Variants in ZBTB7C observed in about 807,000 individuals in gnomAD.
The protein encoded by ZBTB7C is zinc finger and BTB domain containing 7C.
Under a neutral mutation model 25.7 loss-of-function variants are expected in ZBTB7C, and 8 were observed. That is an observed-to-expected ratio of 0.31 (90% CI 0.18 to 0.56). ZBTB7C has a LOEUF of 0.56. ZBTB7C is among the 20% of genes least tolerant of loss of function. ZBTB7C has a pLI of 0.91. For missense variants in ZBTB7C, 824 were observed against 855.2 expected (o/e 0.96, Z 0.46); for synonymous variants, 394 against 369.0 (o/e 1.07, Z -0.78).
intron 2 of ZBTB7C, among the ~76,000 whole-genome samples, chr18:48,298,647 A>C (rs2045464211): frequency 6.6e-6 from 1 of 152,184 alleles, no homozygotes; most frequent in Non-Finnish European, 1.5e-5. Context: ...CAACCAAGGC[A>C]ACTGAGACAG....
chr18:48,182,639 G>A (rs1987192), intron 3 of ZBTB7C, among the ~76,000 whole-genome samples: 33,538 of 152,058 alleles, frequency 0.22, 3,802 homozygotes, highest in South Asian at 0.26. Context: ...GAGGGGGCTC[G>A]CCACCAAAAG....
intron 3 of ZBTB7C, among the ~76,000 whole-genome samples, chr18:48,100,292 A>T (rs1598877947): frequency 2.0e-5 from 3 of 152,328 alleles, no homozygotes; most frequent in Admixed American, 6.5e-5. Context: ...CGATTCACAG[A>T]CTTGCCTGTG....
At chr18:48,270,561 G>A (rs539235807) in intron 2 of ZBTB7C, among the ~76,000 whole-genome samples, 7 of 150,542 alleles carry the variant, frequency 4.6e-5, no homozygotes, top group African/African-American at 1.2e-4. Context: ...GTGGTGGCAC[G>A]CACCTGTAAT....
intron 2 of ZBTB7C, among the ~76,000 whole-genome samples, chr18:48,294,238 A>G (rs7245161): frequency 0.37 from 56,315 of 152,186 alleles, 11,208 homozygotes; most frequent in African/African-American, 0.52. Flanking sequence ...CGGAAGGCAC[A>G]ATGGGCAGAT....
Position 48,027,140 on chromosome 18 carries a change from C to T in ZBTB7C, c.*2120G>A, listed in dbSNP as rs1598733955. 1 of 146,942 alleles carries T rather than the reference C, an allele frequency of 6.8e-6. No homozygotes were observed. The allele number at this position is 146,942 out of a possible 1,614,324, so 9.1% of individuals were successfully genotyped here. On this transcript the variant is annotated 3_prime_UTR_variant, in exon 5 of 5. Coordinates refer to ENST00000590800, the MANE Select transcript of ZBTB7C (RefSeq NM_001318841.2). Reference sequence around the variant, plus strand: ...AAAAAAAATTGAAGCAAAACAAAAACACAACCACCCCTCCCCCCACAACCC... The same window carrying T: ...AAAAAAAATTGAAGCAAAACAAAAATACAACCACCCCTCCCCCCACAACCC...
Position 48,389,189 on chromosome 18 carries a change from ACTCTCTCTCTCTCTCTCTCT to A in ZBTB7C, c.-304+20017_-304+20036del, listed in dbSNP as rs757520664. Among the ~76,000 whole-genome samples the A allele has an allele frequency of 9.7e-3, 624 of 64,094 alleles. 1 individual carries two copies. Among genetic ancestry groups the A allele is most frequent in the Non-Finnish European group, 0.014 (478 of 35,248 alleles). 42.0% of individuals were successfully genotyped at this position (64,094 alleles called of 152,430 possible). A position where few individuals can be genotyped will look rare whatever the true frequency, so the allele number is the denominator to read the frequency against. On this transcript the variant is annotated intron_variant, in intron 1 of 4. Coordinates refer to ENST00000590800, the MANE Select transcript of ZBTB7C (RefSeq NM_001318841.2). The stretch of plus-strand genomic sequence containing the variant: ...ATGGAGTGATGTTCAGAGCCCTTTA[ACTCTCTCTCTCTCTCTCTCT>A]CTCTCTCTCTCTCTCTCTCTCTCTC...
chr18:48,168,260 C>G (rs1342074601), intron 3 of ZBTB7C, among the ~76,000 whole-genome samples: 1 of 152,182 alleles, frequency 6.6e-6, no homozygotes, highest in Non-Finnish European at 1.5e-5. Context: ...TTACTTGCTG[C>G]AAGGCAACCT....
intron 2 of ZBTB7C, among the ~76,000 whole-genome samples, chr18:48,198,082 C>T (rs997819215): frequency 5.9e-5 from 9 of 152,156 alleles, no homozygotes; most frequent in Non-Finnish European, 1.2e-4. Flanking sequence ...TCTTGCATAA[C>T]GTTGTACTTT....
At chr18:48,043,442 T>C (rs1164073550) in intron 3 of ZBTB7C, among the ~76,000 whole-genome samples, 1 of 152,222 alleles carries the variant, frequency 6.6e-6, no homozygotes, top group East Asian at 1.9e-4. Flanking sequence ...ACAGCCTTGA[T>C]GAATCTCCAG....
chr18:48,201,909 T>A (rs1568298951), intron 2 of ZBTB7C, among the ~76,000 whole-genome samples: 2 of 152,188 alleles, frequency 1.3e-5, no homozygotes. Context: ...GACTCCACTA[T>A]ATTAATTTTT....
intron 3 of ZBTB7C, among the ~76,000 whole-genome samples, chr18:48,070,279 T>C (rs1052492850): frequency 4.6e-5 from 7 of 152,154 alleles, no homozygotes; most frequent in Non-Finnish European, 7.4e-5. Context: ...CTTTAGGCCA[T>C]GGCATCCTGG....
chr18:48,292,346 G>A (rs989648215), intron 2 of ZBTB7C, among the ~76,000 whole-genome samples: 8 of 152,254 alleles, frequency 5.3e-5, no homozygotes, highest in South Asian at 4.1e-4. Context: ...AAGAAGTTAA[G>A]CCACTTCCCC....
intron 3 of ZBTB7C, chr18:48,180,374 C>T (rs563507935): frequency 2.8e-5 from 13 of 456,556 alleles, no homozygotes; most frequent in East Asian, 2.1e-4. Flanking sequence ...TCACACCATT[C>T]GCTGGTGATT....
intron 1 of ZBTB7C, among the ~76,000 whole-genome samples, chr18:48,391,953 G>A (rs1313962211): frequency 6.6e-6 from 1 of 152,212 alleles, no homozygotes; most frequent in African/African-American, 2.4e-5. Flanking sequence ...AGTTGTCCCG[G>A]CCACAACTGT....
At chr18:48,093,620 A>AAG (rs1489891719) in intron 3 of ZBTB7C, among the ~76,000 whole-genome samples, 1 of 151,958 alleles carries the variant, frequency 6.6e-6, no homozygotes, top group Non-Finnish European at 1.5e-5. Flanking sequence ...AAAAAAAACA[A>AAG]AAAAAACACA....
upstream of ZBTB7C, among the ~76,000 whole-genome samples, chr18:48,410,025 G>T (rs1288224442): frequency 7.7e-6 from 1 of 130,096 alleles, no homozygotes; most frequent in Non-Finnish European, 1.6e-5. Flanking sequence ...GCAGCGGTGC[G>T]GCAGAGATGG....
At chr18:48,224,693 AAT>A (rs552495305) in intron 2 of ZBTB7C, among the ~76,000 whole-genome samples, 159 of 152,326 alleles carry the variant, frequency 1.0e-3, no homozygotes, top group African/African-American at 3.7e-3. Context: ...TGGGCAAGCC[AAT>A]TAGACCCGTA....
chr18:48,349,892 GC>G (rs2046825358), intron 1 of ZBTB7C, among the ~76,000 whole-genome samples: 1 of 152,072 alleles, frequency 6.6e-6, no homozygotes, highest in African/African-American at 2.4e-5. Flanking sequence ...TCATTTTGTG[GC>G]CCCTGCACCT....
At chr18:48,356,968 C>T (rs146790700) in intron 1 of ZBTB7C, among the ~76,000 whole-genome samples, 14 of 152,300 alleles carry the variant, frequency 9.2e-5, no homozygotes, top group African/African-American at 2.9e-4. Flanking sequence ...CCTGCTTTCT[C>T]CCCCACTGAA....
Sources: gnomAD v4.1 joint callset for allele counts (sites outside exome capture counted in the v4.1 genomes callset) on GRCh38, gnomAD v4.1.1 for gene constraint, MANE v1.5 for transcripts, NCBI Gene and HGNC (gene_info 2026-07-23, HGNC 2026-07-21) for gene names.